Variants in XPOT observed in about 807,000 individuals in gnomAD.
The protein encoded by XPOT is exportin-T.
In XPOT, 34 loss-of-function variants were observed where a neutral mutation model predicts 128.2. The ratio of observed to expected loss-of-function variants is 0.27; its 90% confidence interval spans 0.20 to 0.35. The LOEUF (loss-of-function observed/expected upper bound fraction) is 0.35. XPOT is among the 10% of genes least tolerant of loss of function. XPOT has a pLI of 1.00. For missense variants in XPOT, 838 were observed against 1,125.3 expected, an observed-to-expected ratio of 0.74 and a Z score of 3.65; for synonymous variants, 348 against 394.3, an observed-to-expected ratio of 0.88 and a Z score of 1.39.
intron 3 of XPOT, 61 bp downstream of exon 3, chr12:64,415,050 A>C (rs1278730852): frequency 4.9e-6 from 5 of 1,029,292 alleles, no homozygotes; most frequent in Non-Finnish European, 7.4e-6. Context: ...AGGACTGTGA[A>C]ATTTACCTGT....
At chr12:64,425,669 G>A (rs2136024386) in intron 14 of XPOT, 146 bp from the exon 15 acceptor site, 1 of 965,320 alleles carries the variant, frequency 1.0e-6, no homozygotes, top group East Asian at 2.4e-5. Flanking sequence ...GACTGTTTGT[G>A]TGTAGTTTAG....
intron 11 of XPOT, 37 bp from the exon 12 acceptor site, chr12:64,424,562 T>C (rs1224837069): frequency 6.2e-7 from 1 of 1,609,052 alleles, no homozygotes; most frequent in Non-Finnish European, 8.5e-7. Context: ...GATCAACCCA[T>C]AAGTTTTTTG....
chr12:64,410,857 G>C (rs138191705), intron 2 of XPOT, among the ~76,000 whole-genome samples: 3 of 151,932 alleles, frequency 2.0e-5, no homozygotes, highest in Admixed American at 6.6e-5. Flanking sequence ...TTTTAAAGAC[G>C]TGGGCATTTG....
rs371683227 is a variant in XPOT, at chr12:64,419,902, AAG to A, written c.490-165_490-164del. On this transcript the variant is annotated intron_variant, in intron 6 of 24. Transcript: ENST00000332707. ...CTCTGACACTGAGGAGTAGAACAGAAAGAGGAAATACAAAGAATCACAGGATA... is the reference window on the plus strand; with the variant it reads ...CTCTGACACTGAGGAGTAGAACAGAAAGGAAATACAAAGAATCACAGGATA... Among the ~76,000 whole-genome samples the A allele has an allele frequency of 5.3e-5, 8 of 152,352 alleles. No homozygotes were observed. In the East Asian group the frequency reaches 1.2e-3, roughly 22 times the overall value.
intron 15 of XPOT, among the ~76,000 whole-genome samples, chr12:64,427,026 A>G (rs1271869689): frequency 1.3e-5 from 2 of 151,930 alleles, no homozygotes; most frequent in African/African-American, 4.8e-5. Context: ...AAGTAGACAT[A>G]TAAATTATTT....
At position 64,404,399 on chromosome 12, in the gene XPOT, A is replaced by G. The variant is rs1174023662; in HGVS notation, c.-480A>G. On this transcript the variant is annotated 5_prime_UTR_variant, in exon 1 of 25. Coordinates refer to ENST00000332707, the MANE Select transcript of XPOT (RefSeq NM_007235.6). ...CCGCGGGCTGCCGCCCGCACTCTCC[A>G]AGAGACTGCTGGCGCCGGCGCCCGC... 1 of 151,672 alleles carries G rather than the reference A, an allele frequency of 6.6e-6. No individual in the cohort carries two copies. The highest frequency in any genetic ancestry group is 1.5e-5 in the Non-Finnish European group (1 of 67,704). The allele number at this position is 151,672 out of a possible 1,614,324, so 9.4% of individuals were successfully genotyped here. A position where few individuals can be genotyped will look rare whatever the true frequency, so the allele number is the denominator to read the frequency against.
At chr12:64,414,306 AG>A (rs1193850030) in intron 2 of XPOT, among the ~76,000 whole-genome samples, 1 of 152,206 alleles carries the variant, frequency 6.6e-6, no homozygotes, top group African/African-American at 2.4e-5. Flanking sequence ...AACTTCCTCG[AG>A]CTTTGACCTT....
At chr12:64,440,326 T>C (rs1447402423) in intron 23 of XPOT, among the ~76,000 whole-genome samples, 2 of 152,232 alleles carry the variant, frequency 1.3e-5, no homozygotes, top group Admixed American at 6.5e-5. Flanking sequence ...CTGAATAACA[T>C]GCCACTGTAT....
chr12:64,425,966 G>A (rs2040188996), intron 15 of XPOT, 57 bp downstream of exon 15: 2 of 1,483,328 alleles, frequency 1.3e-6, no homozygotes, highest in African/African-American at 1.4e-5. Flanking sequence ...CTGGATAGAT[G>A]TAAAACAATA....
chr12:64,446,032 TCA>T (rs914677325), intron 24 of XPOT, among the ~76,000 whole-genome samples: 5 of 152,158 alleles, frequency 3.3e-5, no homozygotes, highest in Admixed American at 1.3e-4. Context: ...CTTAAACATC[TCA>T]GAGTTTTTGT....
chr12:64,410,988 A>C (rs2040033627), intron 2 of XPOT, among the ~76,000 whole-genome samples: 1 of 152,210 alleles, frequency 6.6e-6, no homozygotes, highest in Non-Finnish European at 1.5e-5. Flanking sequence ...AGCAGTTTTT[A>C]TTCTTATTTT....
Position 64,438,107 on chromosome 12 carries a change from G to A in XPOT, c.2734-1137G>A, listed in dbSNP as rs1273846475. 2.0e-5 allele frequency among the ~76,000 whole-genome samples: 3 copies of A among 152,204 alleles called. No individual in the cohort carries two copies. In the South Asian group the frequency reaches 6.2e-4, roughly 31 times the overall value. ...TGGATGCTAAACAGTCAAGGTGGAT[G>A]TGGATGAAGGATGAAAGGAAACAGT... is the stretch of plus-strand genomic sequence containing the variant. On this transcript the variant is annotated intron_variant, in intron 22 of 24. Transcript: ENST00000332707.
chr12:64,406,326 G>A (rs2136006354), intron 1 of XPOT, among the ~76,000 whole-genome samples: 1 of 148,422 alleles, frequency 6.7e-6, no homozygotes, highest in South Asian at 2.2e-4. Flanking sequence ...CGCCCACCTC[G>A]GCCTCCCAAA....
intron 18 of XPOT, among the ~76,000 whole-genome samples, chr12:64,432,748 T>C (rs1473925834): frequency 6.6e-6 from 1 of 152,192 alleles, no homozygotes; most frequent in Non-Finnish European, 1.5e-5. Context: ...TTAAACAATG[T>C]TTTTTACCTT....
chr12:64,446,750 G>A (rs1006753093), intron 24 of XPOT, among the ~76,000 whole-genome samples: 3 of 151,654 alleles, frequency 2.0e-5, no homozygotes, highest in Non-Finnish European at 4.4e-5. Context: ...TGTATGAACT[G>A]TACCCATTTC....
Position 64,449,285 on chromosome 12 carries a change from A to G in XPOT, c.*1154A>G, listed in dbSNP as rs2040390991. Reference sequence around the variant, plus strand: ...AACACAGTATACCTATAGTATACCTATGTGTTTATTATGTTTGTAAATGGT... The same window carrying G: ...AACACAGTATACCTATAGTATACCTGTGTGTTTATTATGTTTGTAAATGGT... On this transcript the variant is annotated 3_prime_UTR_variant, in exon 25 of 25. Transcript: ENST00000332707. 6.6e-6 allele frequency: 1 copy of G among 151,980 alleles called. No homozygotes were observed. The highest frequency in any genetic ancestry group is 1.5e-5 in the Non-Finnish European group (1 of 68,006). The allele number at this position is 151,980 out of a possible 1,614,324, so 9.4% of individuals were successfully genotyped here. A position where few individuals can be genotyped will look rare whatever the true frequency, so the allele number is the denominator to read the frequency against.
chr12:64,408,912 A>T lies in XPOT; in HGVS notation c.-74-1050A>T, dbSNP rs575673187. Among the ~76,000 whole-genome samples the T allele has an allele frequency of 3.3e-5, 5 of 152,190 alleles. No individual in the cohort carries two copies. The East Asian group carries it at 7.7e-4, about 24-fold the overall frequency. On this transcript the variant is annotated intron_variant, in intron 1 of 24. Coordinates refer to ENST00000332707, the MANE Select transcript of XPOT (RefSeq NM_007235.6). ...TGGCTTGAACTCCTGACCTTAAGTG[A>T]TCTGCGCACCTCAGCCTCCCAAAGT...
At chr12:64,433,353 T>C in intron 18 of XPOT, 61 bp from the exon 19 acceptor site, 1 of 1,445,472 alleles carries the variant, frequency 6.9e-7, no homozygotes, top group Non-Finnish European at 9.2e-7. Context: ...TAAAATAGTT[T>C]TTTCTAAGTT....
At chr12:64,409,826 T>C in intron 1 of XPOT, 136 bp from the exon 2 acceptor site, 1 of 528,774 alleles carries the variant, frequency 1.9e-6, no homozygotes, top group Non-Finnish European at 3.3e-6. Flanking sequence ...CTTTTAGTTG[T>C]AATTTAGATA....
Sources: allele counts gnomAD v4.1 joint callset (sites outside exome capture counted in the v4.1 genomes callset), GRCh38; gene constraint gnomAD v4.1.1; transcripts MANE v1.5; gene names NCBI Gene and HGNC (gene_info 2026-07-23, HGNC 2026-07-21).